DOCK4: variants seen among roughly 807,000 people sequenced by gnomAD.
DOCK4 encodes the protein dedicator of cytokinesis protein 4.
A neutral mutation model predicts 268.1 loss-of-function variants in DOCK4; 97 were observed. The observed-to-expected ratio is 0.36, with a 90% CI of 0.31 to 0.43. DOCK4 has a LOEUF of 0.43. DOCK4 is among the 20% of genes least tolerant of loss of function. The probability of loss-of-function intolerance (pLI) is 1.00; values close to 1 mark genes in which losing one functional copy is unlikely to be tolerated. For missense variants in DOCK4, 2,145 were observed against 2,455.7 expected (o/e 0.87, Z 2.67); for synonymous variants, 954 against 887.2 (o/e 1.08, Z -1.34).
intron 15 of DOCK4, 66 bp from the exon 16 acceptor site, chr7:111,895,784 G>T: frequency 6.9e-7 from 1 of 1,457,348 alleles, no homozygotes; most frequent in Non-Finnish European, 9.6e-7. Context: ...TTGTCAAGAA[G>T]CATAATCATC....
At chr7:111,821,870 T>C (rs145964564) in intron 27 of DOCK4, 75 of 152,688 alleles carry the variant, frequency 4.9e-4, no homozygotes, top group Admixed American at 3.2e-3. Flanking sequence ...CAGAAATGAT[T>C]CAAATTTCTA....
chr7:111,927,983 T>A (rs561775296), intron 12 of DOCK4, among the ~76,000 whole-genome samples: 1 of 152,334 alleles, frequency 6.6e-6, no homozygotes, highest in East Asian at 1.9e-4. Flanking sequence ...TCTCCCAGTT[T>A]ATTGCCATTA....
chr7:112,037,284 T>C (rs1290757381), intron 1 of DOCK4, among the ~76,000 whole-genome samples: 2 of 152,196 alleles, frequency 1.3e-5, no homozygotes, highest in Non-Finnish European at 2.9e-5. Context: ...GTGTATTAAA[T>C]ACATTTTCAA....
intron 1 of DOCK4, among the ~76,000 whole-genome samples, chr7:112,040,013 C>G (rs965034012): frequency 6.6e-6 from 1 of 152,016 alleles, no homozygotes; most frequent in Non-Finnish European, 1.5e-5. Context: ...GGTTTGGGGC[C>G]CAGACTTATA....
intron 1 of DOCK4, among the ~76,000 whole-genome samples, chr7:112,055,088 C>G (rs1321827741): frequency 1.3e-5 from 2 of 152,106 alleles, no homozygotes; most frequent in African/African-American, 4.8e-5. Flanking sequence ...TTCAGTCAGT[C>G]AAACAATATA....
At chr7:111,847,166 T>TC (rs1429382575) in intron 23 of DOCK4, 40 bp from the exon 24 acceptor site, 3 of 1,611,190 alleles carry the variant, frequency 1.9e-6, no homozygotes, top group Non-Finnish European at 2.5e-6. Context: ...TCTGTTGGAG[T>TC]CCCACGCAAT....
intron 1 of DOCK4, among the ~76,000 whole-genome samples, chr7:112,051,250 G>A (rs1345270731): frequency 6.6e-6 from 1 of 152,058 alleles, no homozygotes; most frequent in Non-Finnish European, 1.5e-5. Flanking sequence ...AATTAGAAAT[G>A]TATCAAGACT....
At chr7:111,991,780 T>C (rs1170463371) in intron 5 of DOCK4, among the ~76,000 whole-genome samples, 1 of 151,478 alleles carries the variant, frequency 6.6e-6, no homozygotes, top group Non-Finnish European at 1.5e-5. Context: ...GCTAACACAG[T>C]GAAACCCCGT....
At chr7:112,099,789 T>G (rs1361430025) in intron 1 of DOCK4, among the ~76,000 whole-genome samples, 2 of 152,244 alleles carry the variant, frequency 1.3e-5, no homozygotes, top group Admixed American at 1.3e-4. Flanking sequence ...AACTACCCCC[T>G]CCCTCATATT....
intron 1 of DOCK4, among the ~76,000 whole-genome samples, chr7:112,079,900 G>C (rs1808426797): frequency 6.6e-6 from 1 of 152,112 alleles, no homozygotes; most frequent in Non-Finnish European, 1.5e-5. Context: ...ATGGGTAGAA[G>C]TTAAAGAAAA....
At chr7:112,193,720 G>A (rs1820175531) in intron 1 of DOCK4, among the ~76,000 whole-genome samples, 1 of 151,986 alleles carries the variant, frequency 6.6e-6, no homozygotes, top group Non-Finnish European at 1.5e-5. Flanking sequence ...CTGAGGTTGA[G>A]GATCCTGCTT....
intron 52 of DOCK4, among the ~76,000 whole-genome samples, chr7:111,730,022 A>G (rs920129277): frequency 4.6e-5 from 7 of 151,756 alleles, no homozygotes; most frequent in Admixed American, 1.3e-4. Context: ...TAATAGAGAT[A>G]ATCTTTAAAA....
chr7:111,941,318 T>G (rs1166368341), intron 10 of DOCK4, among the ~76,000 whole-genome samples: 1 of 152,192 alleles, frequency 6.6e-6, no homozygotes, highest in Non-Finnish European at 1.5e-5. Context: ...TAATATAAAT[T>G]CTGTCTGAAA....
chr7:111,834,921 AT>A (rs925904915), intron 25 of DOCK4, among the ~76,000 whole-genome samples: 67 of 147,422 alleles, frequency 4.5e-4, no homozygotes, highest in East Asian at 7.9e-4. Flanking sequence ...TTTAGGGAGG[AT>A]TTTTTTTTTT....
At chr7:111,808,738 G>A (rs1021345399) in intron 30 of DOCK4, 83 bp downstream of exon 30, 17 of 1,414,876 alleles carry the variant, frequency 1.2e-5, no homozygotes, top group Non-Finnish European at 1.7e-5. Context: ...GGTGTCACTG[G>A]TAAATTGCCT....
At chr7:111,921,734 A>G (rs748298666) in intron 12 of DOCK4, among the ~76,000 whole-genome samples, 7 of 152,194 alleles carry the variant, frequency 4.6e-5, no homozygotes, top group Non-Finnish European at 7.3e-5. Flanking sequence ...TGCTTAGCTC[A>G]AAGGAAGTGT....
At chr7:111,915,267 TATAGATCTAAATCATACACACAA>T (rs1248519083) in intron 13 of DOCK4, among the ~76,000 whole-genome samples, 1 of 152,206 alleles carries the variant, frequency 6.6e-6, no homozygotes, top group African/African-American at 2.4e-5. Flanking sequence ...GGGGCACTAA[TATAGATCTAAATCATACACACAA>T]ATAGATCTAG....
At chr7:112,010,903 A>C (rs138026265) in intron 1 of DOCK4, among the ~76,000 whole-genome samples, 1 of 152,342 alleles carries the variant, frequency 6.6e-6, no homozygotes, top group African/African-American at 2.4e-5. Context: ...GGATTGCAGA[A>C]TGTCATCCTC....
At chr7:112,137,590 C>T (rs963600516) in intron 1 of DOCK4, among the ~76,000 whole-genome samples, 2 of 152,148 alleles carry the variant, frequency 1.3e-5, no homozygotes, top group Non-Finnish European at 2.9e-5. Context: ...TTCTGAAAGG[C>T]AAATAAAATA....
Sources: allele counts gnomAD v4.1 joint callset (sites outside exome capture counted in the v4.1 genomes callset), GRCh38; gene constraint gnomAD v4.1.1; transcripts MANE v1.5; gene names NCBI Gene and HGNC (gene_info 2026-07-23, HGNC 2026-07-21).